TMEFF2: variants seen among roughly 807,000 people sequenced by gnomAD.
The protein encoded by TMEFF2 is transmembrane protein with EGF like and two follistatin like domains 2.
Under a neutral mutation model 53.8 loss-of-function variants are expected in TMEFF2, and 28 were observed. The ratio of observed to expected loss-of-function variants is 0.52; its 90% CI spans 0.39 to 0.71. The LOEUF (loss-of-function observed/expected upper bound fraction) is 0.71. TMEFF2 is among the 30% of genes least tolerant of loss of function. TMEFF2 has a pLI of 0.00. For synonymous variants in TMEFF2, 162 were observed against 166.3 expected (o/e 0.97, Z 0.20); for missense variants, 353 against 455.2 (o/e 0.78, Z 2.04).
Position 191,949,899 on chromosome 2 carries a change from G to C in TMEFF2, c.*412C>G. On this transcript the variant is annotated 3_prime_UTR_variant, in exon 10 of 10. Transcript: ENST00000272771. ...ATTCAAAACCTAGCCACTGAGTCCT[G>C]TACGAACTAATGTGCTGTCTCAAGA... 1 of 994,330 alleles carries C rather than the reference G, an allele frequency of 1.0e-6. No homozygotes were observed. The highest frequency in any genetic ancestry group is 1.2e-6 in the Non-Finnish European group (1 of 835,396). The allele number at this position is 994,330 out of a possible 1,614,324, so 61.6% of individuals were successfully genotyped here.
chr2:192,026,804 G>A (rs1686980855), intron 5 of TMEFF2, among the ~76,000 whole-genome samples: 1 of 152,164 alleles, frequency 6.6e-6, no homozygotes. Flanking sequence ...GAAAACTGAA[G>A]AAAATGCTTA....
rs753838725 is a variant in TMEFF2 at position 191,999,118 on chromosome 2, T to C, written c.627A>G (p.Lys209=). 6.2e-7 allele frequency: 1 copy of C among 1,612,630 alleles called. No individual in the cohort carries two copies. Among genetic ancestry groups the C allele is most frequent in the Admixed American group, 1.7e-5 (1 of 59,972 alleles). ...GKSYDNACQI[K]EASCQKQEKI... ...TCTCCTGTTTCTGACACGATGCTTC[T>C]TTGATTTGGCATGCATTATCATAAG... Residue 209 remains lysine, a synonymous_variant, in exon 6 of 10, where the codon AAA becomes AAG. Transcript: ENST00000272771.
intron 7 of TMEFF2, among the ~76,000 whole-genome samples, chr2:191,970,833 G>C (rs969404207): frequency 3.9e-5 from 6 of 152,148 alleles, no homozygotes; most frequent in Non-Finnish European, 7.4e-5. Flanking sequence ...GACCTGGAAA[G>C]TCTTCCTTTA....
intron 4 of TMEFF2, among the ~76,000 whole-genome samples, chr2:192,061,191 T>C (rs760449702): frequency 3.9e-5 from 6 of 152,126 alleles, no homozygotes; most frequent in East Asian, 1.9e-4. Flanking sequence ...TGTTATACCA[T>C]TTCTGAAAAC....
chr2:191,954,329 G>A (rs951812325), intron 8 of TMEFF2, among the ~76,000 whole-genome samples: 1 of 151,870 alleles, frequency 6.6e-6, no homozygotes, highest in South Asian at 2.1e-4. Context: ...GTGTTTCTCG[G>A]TTATCAGATA....
chr2:192,095,850 T>C (rs1688891026), intron 4 of TMEFF2, among the ~76,000 whole-genome samples: 1 of 152,142 alleles, frequency 6.6e-6, no homozygotes, highest in Non-Finnish European at 1.5e-5. Flanking sequence ...AAATAATAAA[T>C]ATACAGCAAA....
chr2:192,018,404 AT>A (rs1299162917), intron 5 of TMEFF2, among the ~76,000 whole-genome samples: 4 of 152,142 alleles, frequency 2.6e-5, no homozygotes, highest in Non-Finnish European at 5.9e-5. Context: ...GACACCATAA[AT>A]AACCACTTCC....
intron 4 of TMEFF2, among the ~76,000 whole-genome samples, chr2:192,071,720 T>C (rs1352682642): frequency 6.6e-6 from 1 of 151,916 alleles, no homozygotes; most frequent in Non-Finnish European, 1.5e-5. Flanking sequence ...ACTACTACAA[T>C]GTAAATGCTA....
chr2:192,101,931 C>T (rs1689040145), intron 4 of TMEFF2, among the ~76,000 whole-genome samples: 1 of 152,116 alleles, frequency 6.6e-6, no homozygotes, highest in African/African-American at 2.4e-5. Flanking sequence ...TTTACAGTTT[C>T]CCTATCAATA....
At position 191,954,976 on chromosome 2, in the gene TMEFF2, C is replaced by G. The variant is rs79247664; in HGVS notation, c.870-1139G>C. Among the ~76,000 whole-genome samples, 408 of 152,194 alleles carry G rather than the reference C, an allele frequency of 2.7e-3. 4 individuals are homozygous for G. Among genetic ancestry groups the G allele is most frequent in the African/African-American group, 9.6e-3 (399 of 41,512 alleles). ...AACTACATCCTGAGAAATTTTTTCT[C>G]TCCATCAGGAAGGGTTTAATAATAA... is the stretch of plus-strand genomic sequence containing the variant. On this transcript the variant is annotated intron_variant, in intron 8 of 9. Coordinates refer to ENST00000272771, the MANE Select transcript of TMEFF2 (RefSeq NM_016192.4).
intron 4 of TMEFF2, among the ~76,000 whole-genome samples, chr2:192,100,391 G>A (rs940119506): frequency 3.9e-5 from 6 of 152,106 alleles, no homozygotes; most frequent in Non-Finnish European, 5.9e-5. Context: ...CACTGTGACC[G>A]AAGTCTTCTA....
At chr2:191,978,642 A>G (rs1685785707) in intron 7 of TMEFF2, among the ~76,000 whole-genome samples, 1 of 152,022 alleles carries the variant, frequency 6.6e-6, no homozygotes, top group African/African-American at 2.4e-5. Context: ...TCTCAGCCTG[A>G]GCTCCCTTAT....
chr2:192,054,803 G>T (rs2105900220), intron 5 of TMEFF2, among the ~76,000 whole-genome samples: 1 of 152,080 alleles, frequency 6.6e-6, no homozygotes, highest in Admixed American at 6.5e-5. Context: ...TCTTGGTCCT[G>T]CCACTTTAAC....
At chr2:192,092,226 TA>T (rs1231546761) in intron 4 of TMEFF2, among the ~76,000 whole-genome samples, 4 of 152,160 alleles carry the variant, frequency 2.6e-5, no homozygotes, top group Non-Finnish European at 5.9e-5. Context: ...GTTTTCACAA[TA>T]AAGTTTTATA....
intron 4 of TMEFF2, among the ~76,000 whole-genome samples, chr2:192,091,915 G>C (rs972901868): frequency 2.0e-5 from 3 of 152,104 alleles, no homozygotes; most frequent in Non-Finnish European, 4.4e-5. Flanking sequence ...GACGTGTATT[G>C]CTGCCTCTTC....
chr2:192,064,113 T>A (rs1336707903), intron 4 of TMEFF2, among the ~76,000 whole-genome samples: 2 of 151,988 alleles, frequency 1.3e-5, no homozygotes, highest in South Asian at 2.1e-4. Flanking sequence ...TGTTTCCAAT[T>A]CTTTTTTGTG....
chr2:192,053,370 C>G (rs1356256438), intron 5 of TMEFF2, among the ~76,000 whole-genome samples: 2 of 152,156 alleles, frequency 1.3e-5, no homozygotes, highest in African/African-American at 4.8e-5. Flanking sequence ...TTATCTTCAT[C>G]TTGAAAGTAC....
At chr2:192,123,336 TG>T (rs1286154168) in intron 4 of TMEFF2, among the ~76,000 whole-genome samples, 1 of 152,200 alleles carries the variant, frequency 6.6e-6, no homozygotes, top group Non-Finnish European at 1.5e-5. Flanking sequence ...AATAAGTTTA[TG>T]TTTTTTTTCC....
chr2:192,069,565 A>G (rs1433936694), intron 4 of TMEFF2, among the ~76,000 whole-genome samples: 5 of 151,828 alleles, frequency 3.3e-5, no homozygotes, highest in African/African-American at 1.2e-4. Flanking sequence ...AGAAAGCTGA[A>G]GAGCTGGAAT....
Sources: allele counts gnomAD v4.1 joint callset (sites outside exome capture counted in the v4.1 genomes callset), GRCh38; gene constraint gnomAD v4.1.1; transcripts MANE v1.5; gene names NCBI Gene and HGNC (gene_info 2026-07-23, HGNC 2026-07-21).